The following LCP2 variants were observed in gnomAD, a reference collection of about 807,000 sequenced individuals.
The protein encoded by LCP2 is lymphocyte cytosolic protein 2, also known as 76 kDa tyrosine phosphoprotein.
In LCP2, 29 loss-of-function variants were observed where a neutral mutation model predicts 74.5. The ratio of observed to expected loss-of-function variants is 0.39; its 90% CI spans 0.29 to 0.53. LCP2 has a LOEUF of 0.53. Among genes scored for constraint, LCP2 ranks in the 20% least tolerant of loss-of-function variants. LCP2 has a pLI of 0.72. For missense variants in LCP2, 604 were observed against 634.6 expected (o/e 0.95, Z 0.52); for synonymous variants, 228 against 229.5 (o/e 0.99, Z 0.06).
chr5:170,272,597 CTTTTTT>C (rs61463939), intron 6 of LCP2, among the ~76,000 whole-genome samples: 13 of 40,348 alleles, frequency 3.2e-4, no homozygotes, highest in Admixed American at 1.5e-3. Flanking sequence ...CAAATATTTT[CTTTTTT>C]TTTTTTTTTT....
chr5:170,292,640 A>C (rs1343076158), intron 2 of LCP2, among the ~76,000 whole-genome samples: 1 of 152,168 alleles, frequency 6.6e-6, no homozygotes, highest in African/African-American at 2.4e-5. Flanking sequence ...AGTTCCCAGA[A>C]AGGATGGATT....
chr5:170,278,097 A>T (rs1762036756), intron 3 of LCP2, among the ~76,000 whole-genome samples: 1 of 150,420 alleles, frequency 6.6e-6, no homozygotes, highest in African/African-American at 2.5e-5. Flanking sequence ...GAGCCCCGTT[A>T]GTGTCCTGTG....
intron 3 of LCP2, among the ~76,000 whole-genome samples, chr5:170,279,303 T>G (rs1470306044): frequency 6.6e-6 from 1 of 152,160 alleles, no homozygotes; most frequent in Non-Finnish European, 1.5e-5. Flanking sequence ...TACAGCATGG[T>G]GGGGGCCAGT....
At chr5:170,288,414 AC>A (rs1762222159) in intron 2 of LCP2, among the ~76,000 whole-genome samples, 1 of 152,178 alleles carries the variant, frequency 6.6e-6, no homozygotes, top group Non-Finnish European at 1.5e-5. Context: ...CTCAGTCTCC[AC>A]AAGGTCAGCT....
rs1024653015 is a variant in LCP2, at chr5:170,248,338, A to G, written c.*359T>C. ...AAATCAGTTTTATGTGACACCAATA[A>G]CTATTACTGTTTCAGTGTTTTAAAA... is the stretch of plus-strand genomic sequence containing the variant. On this transcript the variant is annotated 3_prime_UTR_variant, in exon 21 of 21. Coordinates refer to ENST00000046794, the MANE Select transcript of LCP2 (RefSeq NM_005565.5). 2 of 185,562 alleles carry G rather than the reference A, an allele frequency of 1.1e-5. No homozygotes were observed. The highest frequency in any genetic ancestry group is 9.3e-5 in the South Asian group (1 of 10,718). 11.5% of individuals were successfully genotyped at this position (185,562 alleles called of 1,614,324 possible).
At chr5:170,248,933 G>T in intron 20 of LCP2, 114 bp from the exon 21 acceptor site, 1 of 1,060,406 alleles carries the variant, frequency 9.4e-7, no homozygotes. Flanking sequence ...TGAGGATTGT[G>T]GGGGGAAAAA....
chr5:170,248,125 T>G lies in LCP2; in HGVS notation c.*572A>C, dbSNP rs1407050241. On this transcript the variant is annotated 3_prime_UTR_variant, in exon 21 of 21. Transcript: ENST00000046794. Reference sequence around the variant, plus strand: ...TTTAATCCCAGAAGTTATCTCAACATGCATTTGTCTTTTCATAAAAAAATT... The same window carrying G: ...TTTAATCCCAGAAGTTATCTCAACAGGCATTTGTCTTTTCATAAAAAAATT... 6.6e-6 allele frequency: 1 copy of G among 152,408 alleles called. No homozygotes were observed. The highest frequency in any genetic ancestry group is 1.5e-5 in the Non-Finnish European group (1 of 68,082). The allele number at this position is 152,408 out of a possible 1,614,324, so 9.4% of individuals were successfully genotyped here. A position where few individuals can be genotyped will look rare whatever the true frequency, so the allele number is the denominator to read the frequency against.
At position 170,249,283 on chromosome 5, in the gene LCP2, C is replaced by T. The variant is rs1354439220; in HGVS notation, c.1480-464G>A. ...GAGGTTGCAGTGAGCCGAGATTGCG[C>T]CATTGCCGCACTCCAGCCTGGGTAA... On this transcript the variant is annotated intron_variant, in intron 20 of 20. Transcript: ENST00000046794. 2.0e-5 allele frequency among the ~76,000 whole-genome samples: 3 copies of T among 151,588 alleles called. No homozygotes were observed. The East Asian group carries it at 5.8e-4, about 29-fold the overall frequency.
intron 13 of LCP2, among the ~76,000 whole-genome samples, chr5:170,261,483 A>G (rs112381223): frequency 1.5e-5 from 2 of 135,738 alleles, no homozygotes; most frequent in Non-Finnish European, 3.2e-5. Context: ...ACACACACAC[A>G]CATGTGGTTT....
At position 170,248,383 on chromosome 5, in the gene LCP2, G is replaced by A; in HGVS notation, c.*314C>T. On this transcript the variant is annotated 3_prime_UTR_variant, in exon 21 of 21. Coordinates refer to ENST00000046794, the MANE Select transcript of LCP2 (RefSeq NM_005565.5). ...TTAAAACTTGCCCCAAATTGTTTCT[G>A]TAGCTGTGTAAACTACTGTATTTTG... is the stretch of plus-strand genomic sequence containing the variant. 1 of 229,570 alleles carries A rather than the reference G, an allele frequency of 4.4e-6. No individual in the cohort carries two copies. The highest frequency in any genetic ancestry group is 8.6e-6 in the Non-Finnish European group (1 of 116,548). 14.2% of individuals were successfully genotyped at this position (229,570 alleles called of 1,614,324 possible).
At chr5:170,259,536 A>G (rs950311952) in intron 14 of LCP2, among the ~76,000 whole-genome samples, 1 of 152,212 alleles carries the variant, frequency 6.6e-6, no homozygotes, top group African/African-American at 2.4e-5. Flanking sequence ...AAGAGAAAAA[A>G]TGATGTTGCC....
At chr5:170,267,687 A>T (rs1188685848) in intron 8 of LCP2, among the ~76,000 whole-genome samples, 1 of 151,546 alleles carries the variant, frequency 6.6e-6, no homozygotes, top group Non-Finnish European at 1.5e-5. Flanking sequence ...AACTAGCCCT[A>T]GTTGAGTTTT....
Position 170,250,820 on chromosome 5 carries a change from C to T in LCP2, c.1389G>A (p.Val463=). The T allele has an allele frequency of 2.5e-6, 4 of 1,612,644 alleles. No individual in the cohort carries two copies. The highest frequency in any genetic ancestry group is 3.4e-6 in the Non-Finnish European group (4 of 1,178,672). The part of the protein sequence containing the change: ...KTTTNPYVLM[V]LYKDKVYNIQ... ...TGTTGTAAACTTTATCTTTGTACAA[C>T]ACCATGAGGACATATGGATTGGTTG... Residue 463 remains valine, a synonymous_variant, in exon 20 of 21, where the codon GTG becomes GTA. Transcript: ENST00000046794.
At chr5:170,289,690 TTTCTTTCTTTCC>T (rs770416522) in intron 2 of LCP2, among the ~76,000 whole-genome samples, 1,439 of 143,112 alleles carry the variant, frequency 0.01, 19 homozygotes, top group South Asian at 0.034. Flanking sequence ...TCTCTCTTTC[TTTCTTTCTTTCC>T]TTCTTTCTTT....
chr5:170,289,655 T>TCCTCTCTCTCTCTCTCTC (rs1561978367), intron 2 of LCP2, among the ~76,000 whole-genome samples: 2 of 113,818 alleles, frequency 1.8e-5, no homozygotes, highest in African/African-American at 6.9e-5. Context: ...CTTTCTTTCT[T>TCCTCTCTCTCTCTCTCTC]TCTTTCTTTC....
chr5:170,287,507 C>T (rs533367151), intron 3 of LCP2, among the ~76,000 whole-genome samples: 98 of 152,334 alleles, frequency 6.4e-4, no homozygotes, highest in African/African-American at 2.2e-3. Flanking sequence ...TTCTTCTCAA[C>T]ATAACACCCC....
At chr5:170,267,147 T>A in intron 8 of LCP2, 72 bp from the exon 9 acceptor site, 1 of 1,442,770 alleles carries the variant, frequency 6.9e-7, no homozygotes, top group Non-Finnish European at 9.7e-7. Context: ...AAAACCTGTC[T>A]GGATCTGCTC....
At chr5:170,257,560 G>C (rs1761577411) in intron 16 of LCP2, among the ~76,000 whole-genome samples, 1 of 152,054 alleles carries the variant, frequency 6.6e-6, no homozygotes, top group Admixed American at 6.6e-5. Context: ...TCTGCCCCTG[G>C]GCGGCCTCAT....
chr5:170,270,999 A>G (rs749110035), intron 6 of LCP2, 82 bp from the exon 7 acceptor site: 267 of 1,246,864 alleles, frequency 2.1e-4, no homozygotes, highest in Admixed American at 4.1e-4. Context: ...TCTCCCTGCC[A>G]AGCCTCACAA....
Sources: allele counts gnomAD v4.1 joint callset (sites outside exome capture counted in the v4.1 genomes callset), GRCh38; gene constraint gnomAD v4.1.1; transcripts MANE v1.5; gene names NCBI Gene and HGNC (gene_info 2026-07-23, HGNC 2026-07-21).